Variants in EDA observed in about 807,000 individuals in gnomAD.
EDA encodes the protein ectodysplasin-A.
EDA carries 2 observed loss-of-function variants against 23.6 expected under a neutral mutation model. The ratio of observed to expected loss-of-function variants is 0.08; its 90% CI spans 0.03 to 0.27. EDA has a LOEUF of 0.27. Among genes scored for constraint, EDA ranks in the 10% least tolerant of loss-of-function variants. The pLI is 1.00. For missense variants in EDA, 229 were observed against 324.2 expected (o/e 0.71, Z 2.26); for synonymous variants, 131 against 132.0 (o/e 0.99, Z 0.05).
Position 69,693,674 on chromosome X carries a change from G to T in EDA, c.396+76970G>T, listed in dbSNP as rs774295124. On this transcript the variant is annotated intron_variant, in intron 1 of 7. Coordinates refer to ENST00000374552, the MANE Select transcript of EDA (RefSeq NM_001399.5). ...TTTCAGTCTTTCCGGAAGACTGAGG[G>T]TGGTGAAGACAATGATAATGCCATT... Among the ~76,000 whole-genome samples, 76 of 111,839 alleles carry T rather than the reference G, an allele frequency of 6.8e-4. 1 individual carries two copies. Among genetic ancestry groups the T allele is most frequent in the Admixed American group, 3.3e-3 (35 of 10,499 alleles).
chrX:69,760,197 C>CAAAAAAAAAAA (rs1162014486), intron 1 of EDA, among the ~76,000 whole-genome samples: 1 of 46,544 alleles, frequency 2.1e-5, no homozygotes, highest in Non-Finnish European at 3.6e-5. Context: ...CTCTTTTGTA[C>CAAAAAAAAAAA]AAAAAAAAAA....
chrX:69,697,558 G>T (rs1318194757), intron 1 of EDA, among the ~76,000 whole-genome samples: 1 of 111,912 alleles, frequency 8.9e-6, no homozygotes, highest in Non-Finnish European at 1.9e-5. Context: ...TTGACAGACG[G>T]GTTGGTGTCC....
At chrX:69,873,445 T>C (rs1366025542) in intron 1 of EDA, among the ~76,000 whole-genome samples, 1 of 111,615 alleles carries the variant, frequency 9.0e-6, no homozygotes, top group African/African-American at 3.3e-5. Flanking sequence ...ATACAAAAGA[T>C]AAATGAAACA....
At chrX:69,805,307 T>C (rs1452797798) in intron 1 of EDA, among the ~76,000 whole-genome samples, 1 of 111,409 alleles carries the variant, frequency 9.0e-6, no homozygotes, top group Non-Finnish European at 1.9e-5. Context: ...CATATCTGCC[T>C]TTGCTCATTG....
chrX:69,965,169 A>T (rs1364811148), intron 2 of EDA, among the ~76,000 whole-genome samples: 1 of 111,895 alleles, frequency 8.9e-6, no homozygotes, highest in Non-Finnish European at 1.9e-5. Context: ...AAACTGATGG[A>T]TGCTATAGTT....
intron 1 of EDA, among the ~76,000 whole-genome samples, chrX:69,866,993 G>A (rs1046907587): frequency 1.8e-5 from 2 of 112,088 alleles, no homozygotes; most frequent in African/African-American, 6.5e-5. Flanking sequence ...ATTCCAGTGA[G>A]GACAAACCTC....
chrX:69,881,386 G>A (rs1384274548), intron 1 of EDA, among the ~76,000 whole-genome samples: 1 of 110,643 alleles, frequency 9.0e-6, no homozygotes, highest in Non-Finnish European at 1.9e-5. Flanking sequence ...GATCCCTCCA[G>A]GGCCATTGGC....
At chrX:70,031,510 A>T (rs923791378) in intron 6 of EDA, among the ~76,000 whole-genome samples, 2 of 111,924 alleles carry the variant, frequency 1.8e-5, no homozygotes. Context: ...AAGATGCCAG[A>T]TGCTTACAGA....
At chrX:69,963,539 C>T (rs1041627510) in intron 2 of EDA, among the ~76,000 whole-genome samples, 1 of 112,280 alleles carries the variant, frequency 8.9e-6, no homozygotes, top group Non-Finnish European at 1.9e-5. Flanking sequence ...TAAGTGCCCA[C>T]AGCAGAACAC....
chrX:69,663,221 C>A (rs756262391), intron 1 of EDA, among the ~76,000 whole-genome samples: 3 of 111,631 alleles, frequency 2.7e-5, no homozygotes, highest in African/African-American at 6.5e-5. Context: ...GAGGTTTCCA[C>A]GGCAGCCCCT....
Position 69,798,573 on chromosome X carries a change from C to T in EDA, c.397-158454C>T, listed in dbSNP as rs1260512824. Among the ~76,000 whole-genome samples, 3 of 110,867 alleles carry T rather than the reference C, an allele frequency of 2.7e-5. No individual in the cohort carries two copies. In the East Asian group the frequency reaches 8.4e-4, roughly 31 times the overall value. ...AACATGCTCCTGGATGACCACTGAG[C>T]CAATGAAGAAATTAAAATGGAAATC... On this transcript the variant is annotated intron_variant, in intron 1 of 7. Transcript: ENST00000374552.
intron 1 of EDA, among the ~76,000 whole-genome samples, chrX:69,915,885 T>G (rs1040065884): frequency 8.9e-6 from 1 of 111,821 alleles, no homozygotes; most frequent in Admixed American, 9.5e-5. Context: ...CCCTCCAGAT[T>G]AAGACAGATT....
chrX:69,821,254 G>A (rs959500169), intron 1 of EDA, among the ~76,000 whole-genome samples: 5 of 107,285 alleles, frequency 4.7e-5, no homozygotes, highest in Non-Finnish European at 9.6e-5. Context: ...GGGGGATGAG[G>A]GGGGTGGGAG....
chrX:69,851,625 G>A (rs141681255), intron 1 of EDA, among the ~76,000 whole-genome samples: 18 of 112,303 alleles, frequency 1.6e-4, no homozygotes, highest in African/African-American at 5.2e-4. Flanking sequence ...TGTAAATCTT[G>A]TGACTCTATC....
intron 1 of EDA, among the ~76,000 whole-genome samples, chrX:69,865,937 AC>A (rs2147602685): frequency 8.9e-6 from 1 of 112,723 alleles, no homozygotes; most frequent in African/African-American, 3.2e-5. Context: ...TTTTCTTAGT[AC>A]AAGTATATAA....
chrX:69,752,222 A>G (rs1256798987), intron 1 of EDA, among the ~76,000 whole-genome samples: 1 of 111,287 alleles, frequency 9.0e-6, no homozygotes, highest in Non-Finnish European at 1.9e-5. Context: ...TTTTTCATTA[A>G]TAGCTGTTAT....
chrX:69,870,764 T>C (rs1382144406), intron 1 of EDA, among the ~76,000 whole-genome samples: 1 of 111,639 alleles, frequency 9.0e-6, no homozygotes, highest in East Asian at 2.8e-4. Context: ...CAGTAGATAC[T>C]TGGCAAGGCT....
chrX:69,766,218 G>A (rs1331923795), intron 1 of EDA, among the ~76,000 whole-genome samples: 2 of 111,315 alleles, frequency 1.8e-5, no homozygotes, highest in African/African-American at 6.5e-5. Flanking sequence ...TTTCAATTTG[G>A]CAAGTATATT....
intron 1 of EDA, among the ~76,000 whole-genome samples, chrX:69,842,444 C>T (rs1189320871): frequency 2.7e-5 from 3 of 111,478 alleles, no homozygotes; most frequent in Non-Finnish European, 5.7e-5. Flanking sequence ...TTGAATCATC[C>T]TGAAACCATC....
Sources: gnomAD v4.1 joint callset for allele counts (sites outside exome capture counted in the v4.1 genomes callset) on GRCh38, gnomAD v4.1.1 for gene constraint, MANE v1.5 for transcripts, NCBI Gene and HGNC (gene_info 2026-07-23, HGNC 2026-07-21) for gene names.